The following TGM5 variants were observed in gnomAD, a reference collection of about 807,000 sequenced individuals.
TGM5 encodes transglutaminase 5.
In TGM5, 69 loss-of-function variants were observed where a neutral mutation model predicts 77.2. That is an observed-to-expected ratio of 0.89 (90% CI 0.74 to 1.09). TGM5 has a LOEUF of 1.09. Ranked by LOEUF, TGM5 falls within the 50% of genes least tolerant of loss-of-function variation. The probability of loss-of-function intolerance (pLI) is 0.00; values close to 1 mark genes in which losing one functional copy is unlikely to be tolerated. For missense variants in TGM5, 842 were observed against 896.5 expected, an observed-to-expected ratio of 0.94 and a Z score of 0.78; for synonymous variants, 346 against 351.8, an observed-to-expected ratio of 0.98 and a Z score of 0.18.
chr15:43,261,090 T>TTTTTTTTTTTTTTTTG (rs2042786438), intron 1 of TGM5, among the ~76,000 whole-genome samples: 19 of 97,112 alleles, frequency 2.0e-4, no homozygotes, highest in South Asian at 3.7e-4. Flanking sequence ...TTTTTTTTTT[T>TTTTTTTTTTTTTTTTG]TTTTTTTTTT....
intron 7 of TGM5, 131 bp from the exon 8 acceptor site, chr15:43,239,397 G>A (rs2042617636): frequency 1.1e-6 from 1 of 888,088 alleles, no homozygotes; most frequent in Non-Finnish European, 1.8e-6. Flanking sequence ...AACCTCTGTG[G>A]ATAGCCAGGC....
chr15:43,240,460 T>C (rs1462791746), intron 7 of TGM5, among the ~76,000 whole-genome samples: 3 of 151,406 alleles, frequency 2.0e-5, no homozygotes, highest in Non-Finnish European at 4.4e-5. Context: ...TTAATGTGTA[T>C]GCCTTTTCTC....
At position 43,233,196 on chromosome 15, in the gene TGM5, A is replaced by G; in HGVS notation, c.2158T>C (p.Leu720=). The G allele has an allele frequency of 6.2e-7, 1 of 1,614,134 alleles. No individual in the cohort carries two copies. Among genetic ancestry groups the G allele is most frequent in the South Asian group, 1.1e-5 (1 of 91,076 alleles). Reference sequence around the variant, plus strand: ...CTGGCGCGTTGTTCCAGAATTTATAATGCAAAGTCTACATAAACATTCCTG... The same window carrying G: ...CTGGCGCGTTGTTCCAGAATTTATAGTGCAAAGTCTACATAAACATTCCTG... ...GYRNVYVDFA[L] is the part of the protein sequence containing the mutation. Residue 720 remains leucine (L), a synonymous_variant, in exon 13 of 13, where the codon TTA becomes CTA. Coordinates refer to ENST00000220420, the MANE Select transcript of TGM5 (RefSeq NM_201631.4).
At chr15:43,234,997 G>T (rs2042577699) in intron 10 of TGM5, 68 bp from the exon 11 acceptor site, 2 of 1,578,844 alleles carry the variant, frequency 1.3e-6, no homozygotes, top group South Asian at 2.2e-5. Context: ...GTTGGACCTG[G>T]GTCTCTCTTC....
chr15:43,251,093 T>C (rs1374271282), intron 6 of TGM5, among the ~76,000 whole-genome samples: 1 of 152,184 alleles, frequency 6.6e-6, no homozygotes, highest in East Asian at 1.9e-4. Flanking sequence ...ATACAAGATC[T>C]AGTCTCTACC....
intron 9 of TGM5, among the ~76,000 whole-genome samples, chr15:43,238,225 C>T (rs1282797633): frequency 6.6e-6 from 1 of 152,172 alleles, no homozygotes; most frequent in African/African-American, 2.4e-5. Flanking sequence ...TGCCTCTGGC[C>T]CTCATGGACT....
chr15:43,259,411 T>G lies in TGM5; in HGVS notation c.436+641A>C, dbSNP rs532220124. ...AAATAATTGTAGCTGCTAAGAAGAA[T>G]GCTCCGATAGGAAAATGTGCCCAAA... On this transcript the variant is annotated intron_variant, in intron 3 of 12. Transcript: ENST00000220420. Among the ~76,000 whole-genome samples the G allele has an allele frequency of 3.3e-5, 5 of 149,340 alleles. No homozygotes were observed. The South Asian group carries it at 1.1e-3, about 31-fold the overall frequency.
chr15:43,256,515 C>G, intron 4 of TGM5, 53 bp downstream of exon 4: 1 of 1,392,836 alleles, frequency 7.2e-7, no homozygotes, highest in Non-Finnish European at 1.0e-6. Flanking sequence ...GCCCTGCTCC[C>G]TCTCCCCACA....
Position 43,233,089 on chromosome 15 carries a change from C to G in TGM5, c.*102G>C. ...CCCCTCTGTGGCTCTTGCTGGAGCC[C>G]TGTGAAGCCTCTGTTGTGGTGGGGA... On this transcript the variant is annotated 3_prime_UTR_variant, in exon 13 of 13. Transcript: ENST00000220420. 1 of 1,439,534 alleles carries G rather than the reference C, an allele frequency of 6.9e-7. No homozygotes were observed. Among genetic ancestry groups the G allele is most frequent in the Non-Finnish European group, 9.6e-7 (1 of 1,044,094 alleles). 89.2% of individuals were successfully genotyped at this position (1,439,534 alleles called of 1,614,324 possible).
intron 3 of TGM5, among the ~76,000 whole-genome samples, chr15:43,259,384 TG>T (rs1377944951): frequency 2.0e-5 from 3 of 147,956 alleles, no homozygotes; most frequent in African/African-American, 7.5e-5. Flanking sequence ...ATCCAAACAG[TG>T]AAATAATTGT....
At position 43,239,887 on chromosome 15, in the gene TGM5, C is replaced by A. The variant is rs72721564; in HGVS notation, c.1002-621G>T. The A allele has an allele frequency of 9.9e-3, 1,576 of 159,062 alleles. 19 individuals are homozygous for A. The highest frequency in any genetic ancestry group is 0.013 in the Non-Finnish European group (963 of 71,860). 9.9% of individuals were successfully genotyped at this position (159,062 alleles called of 1,614,324 possible). ...CAGAGGCACTCGTGGTCTTTGTATT[C>A]GGAGGTAAGGCCGTCCTGTGGTCAG... On this transcript the variant is annotated intron_variant, in intron 7 of 12. Transcript: ENST00000220420.
chr15:43,240,153 A>C (rs886520854), intron 7 of TGM5, among the ~76,000 whole-genome samples: 7 of 152,164 alleles, frequency 4.6e-5, no homozygotes. Flanking sequence ...TTTGTATAAA[A>C]ACTGGCCATA....
At chr15:43,241,278 C>T (rs188145441) in intron 6 of TGM5, 17 of 471,574 alleles carry the variant, frequency 3.6e-5, no homozygotes, top group Admixed American at 2.3e-4. Context: ...GAGGGTGGGA[C>T]TGGCAAGCCT....
chr15:43,252,735 TG>T, intron 6 of TGM5, 23 bp downstream of exon 6: 1 of 1,612,672 alleles, frequency 6.2e-7, no homozygotes, highest in South Asian at 1.1e-5. Flanking sequence ...CTGACCTTTT[TG>T]TGGGGTCCTT....
At chr15:43,235,881 C>G (rs749859202) in intron 9 of TGM5, 44 bp from the exon 10 acceptor site, 219 of 1,609,814 alleles carry the variant, frequency 1.4e-4, no homozygotes, top group Non-Finnish European at 1.8e-4. Context: ...GCCAGGCTGA[C>G]CGGGGTAGAC....
At chr15:43,243,835 A>G (rs1180400700) in intron 6 of TGM5, among the ~76,000 whole-genome samples, 1 of 152,158 alleles carries the variant, frequency 6.6e-6, no homozygotes, top group Non-Finnish European at 1.5e-5. Flanking sequence ...CATCATCATC[A>G]TAGGTACCAG....
intron 6 of TGM5, among the ~76,000 whole-genome samples, chr15:43,241,983 C>T (rs544890013): frequency 3.3e-5 from 5 of 152,300 alleles, no homozygotes; most frequent in African/African-American, 1.2e-4. Context: ...ATGAAATGCT[C>T]TGGGGATTCC....
chr15:43,264,282 G>A (rs1407316240), intron 1 of TGM5, among the ~76,000 whole-genome samples: 1 of 151,970 alleles, frequency 6.6e-6, no homozygotes, highest in Non-Finnish European at 1.5e-5. Flanking sequence ...TCGATCCCCA[G>A]GTATATACCC....
intron 11 of TGM5, 62 bp from the exon 12 acceptor site, chr15:43,233,749 G>C: frequency 6.3e-7 from 1 of 1,595,214 alleles, no homozygotes; most frequent in Non-Finnish European, 8.6e-7. Flanking sequence ...AGATATTTAC[G>C]AAGGGCACCA....
Sources: gnomAD v4.1 joint callset for allele counts (sites outside exome capture counted in the v4.1 genomes callset) on GRCh38, gnomAD v4.1.1 for gene constraint, MANE v1.5 for transcripts, NCBI Gene and HGNC (gene_info 2026-07-23, HGNC 2026-07-21) for gene names.